The following SH3BGRL2 variants were observed in gnomAD, a reference collection of about 807,000 sequenced individuals.
SH3BGRL2 encodes SH3 domain-binding glutamic acid-rich-like protein 2.
A neutral mutation model predicts 14.8 loss-of-function variants in SH3BGRL2; 21 were observed. The observed-to-expected ratio is 1.42, with a 90% CI of 1.01 to 2.05. The LOEUF (loss-of-function observed/expected upper bound fraction) is 2.05, where lower values mean the gene tolerates loss of function less well. Ranked by LOEUF, SH3BGRL2 falls within the 30% of genes most tolerant of loss-of-function variation. The pLI is 0.00. For missense variants in SH3BGRL2, 147 were observed against 130.8 expected, an observed-to-expected ratio of 1.12 and a Z score of -0.61; for synonymous variants, 50 against 47.8, an observed-to-expected ratio of 1.05 and a Z score of -0.19.
At chr6:79,689,777 A>T (rs1770172657) in intron 2 of SH3BGRL2, among the ~76,000 whole-genome samples, 1 of 152,170 alleles carries the variant, frequency 6.6e-6, no homozygotes, top group Non-Finnish European at 1.5e-5. Flanking sequence ...TAAACACTGA[A>T]ACCTGAAATA....
intron 2 of SH3BGRL2, among the ~76,000 whole-genome samples, chr6:79,676,850 A>G (rs937272740): frequency 1.3e-5 from 2 of 152,074 alleles, no homozygotes; most frequent in Non-Finnish European, 2.9e-5. Context: ...CTAGCTGTCT[A>G]TGTATCTTTG....
chr6:79,639,671 A>G (rs1366261990), intron 1 of SH3BGRL2, among the ~76,000 whole-genome samples: 1 of 152,150 alleles, frequency 6.6e-6, no homozygotes, highest in Non-Finnish European at 1.5e-5. Flanking sequence ...GGGGTCTAGA[A>G]ATTATTATTT....
chr6:79,677,723 C>T (rs373948938), intron 2 of SH3BGRL2, among the ~76,000 whole-genome samples: 19 of 152,272 alleles, frequency 1.2e-4, no homozygotes, highest in African/African-American at 3.9e-4. Flanking sequence ...AATTCCTCTC[C>T]CTCAAAGTTG....
the SH3BGRL2 span, among the ~76,000 whole-genome samples, chr6:79,600,363 A>G: frequency 3.9e-5 from 6 of 152,198 alleles, no homozygotes; most frequent in Admixed American, 2.0e-4. Context: ...CTGAAAAGCA[A>G]TGCACCCTAT....
Position 79,699,662 on chromosome 6 carries a change from A to G in SH3BGRL2, c.*153A>G, listed in dbSNP as rs1770413433. 4.7e-6 allele frequency: 5 copies of G among 1,069,814 alleles called. No individual in the cohort carries two copies. In the South Asian group the frequency reaches 8.2e-5, roughly 18 times the overall value. 66.3% of individuals were successfully genotyped at this position (1,069,814 alleles called of 1,614,324 possible). On this transcript the variant is annotated 3_prime_UTR_variant, in exon 4 of 4. Transcript: ENST00000369838. ...AAAGGTGTTTTTGAAAGATGTGGCT[A>G]TAATGAGAATTGCATGATTGCTTTA...
At chr6:79,541,443 T>C in the SH3BGRL2 span, among the ~76,000 whole-genome samples, 1 of 152,210 alleles carries the variant, frequency 6.6e-6, no homozygotes, top group Admixed American at 6.5e-5. Flanking sequence ...GTTATTAAAA[T>C]TTTTTCTTCT....
chr6:79,633,169 G>A (rs1166072438), intron 1 of SH3BGRL2, among the ~76,000 whole-genome samples: 2 of 152,132 alleles, frequency 1.3e-5, no homozygotes, highest in African/African-American at 4.8e-5. Context: ...AATGTTTTGT[G>A]TTTTGCACAT....
chr6:79,589,206 A>ATAT, the SH3BGRL2 span, among the ~76,000 whole-genome samples: 12,421 of 141,268 alleles, frequency 0.088, 682 homozygotes, highest in Non-Finnish European at 0.12. Context: ...ATATATATAT[A>ATAT]TTTTTTTTTT....
At chr6:79,634,625 T>G (rs1768888580) in intron 1 of SH3BGRL2, among the ~76,000 whole-genome samples, 1 of 152,092 alleles carries the variant, frequency 6.6e-6, no homozygotes, top group Non-Finnish European at 1.5e-5. Context: ...TTTCTAAGAG[T>G]CTGCTGCTTG....
chr6:79,575,960 T>A, the SH3BGRL2 span, among the ~76,000 whole-genome samples: 1 of 121,444 alleles, frequency 8.2e-6, no homozygotes, highest in East Asian at 2.0e-4. Flanking sequence ...GTTTATAAGT[T>A]TTTTTTTCCA....
At chr6:79,598,294 A>G in the SH3BGRL2 span, among the ~76,000 whole-genome samples, 1 of 152,234 alleles carries the variant, frequency 6.6e-6, no homozygotes, top group African/African-American at 2.4e-5. Context: ...ATGTACATGA[A>G]CGTTCATGGC....
the SH3BGRL2 span, among the ~76,000 whole-genome samples, chr6:79,597,179 A>G: frequency 9.9e-5 from 15 of 151,924 alleles, no homozygotes; most frequent in African/African-American, 3.6e-4. Flanking sequence ...GCAATGAGCC[A>G]AGATCGCACC....
intron 2 of SH3BGRL2, among the ~76,000 whole-genome samples, chr6:79,686,226 A>C (rs2127737002): frequency 6.6e-6 from 1 of 152,286 alleles, no homozygotes; most frequent in Admixed American, 6.5e-5. Context: ...CCTTTAAAAA[A>C]CATTCTGCTC....
chr6:79,586,428 AAT>A, the SH3BGRL2 span, among the ~76,000 whole-genome samples: 1 of 152,042 alleles, frequency 6.6e-6, no homozygotes, highest in South Asian at 2.1e-4. Flanking sequence ...TTTACATATG[AAT>A]ATGTTTACTA....
chr6:79,538,414 A>C, the SH3BGRL2 span, among the ~76,000 whole-genome samples: 1 of 152,128 alleles, frequency 6.6e-6, no homozygotes, highest in Non-Finnish European at 1.5e-5. Context: ...CTGTCAATAC[A>C]TTTTACTTCA....
In SH3BGRL2 at chr6:79,702,410, G is replaced by A. The variant is rs2127741630; in HGVS notation, c.*2901G>A. The A allele has an allele frequency of 6.6e-6, 1 of 152,578 alleles. No homozygotes were observed. The highest frequency in any genetic ancestry group is 1.9e-4 in the East Asian group (1 of 5,172). 9.5% of individuals were successfully genotyped at this position (152,578 alleles called of 1,614,324 possible). A position where few individuals can be genotyped will look rare whatever the true frequency, so the allele number is the denominator to read the frequency against. ...CTGCACTTTGCTCCATATAATTATT[G>A]TTTTCAGATTTCAACTTGTATGTGT... is the stretch of plus-strand genomic sequence containing the variant. On this transcript the variant is annotated 3_prime_UTR_variant, in exon 4 of 4. Transcript: ENST00000369838.
At chr6:79,590,350 A>C in the SH3BGRL2 span, among the ~76,000 whole-genome samples, 1 of 149,170 alleles carries the variant, frequency 6.7e-6, no homozygotes, top group Admixed American at 6.7e-5. Context: ...TGTTCATTGC[A>C]GCACTATTCA....
chr6:79,605,177 G>A, the SH3BGRL2 span, among the ~76,000 whole-genome samples: 9 of 152,172 alleles, frequency 5.9e-5, no homozygotes, highest in African/African-American at 2.2e-4. Flanking sequence ...CCTTGAGACT[G>A]CCATACTGTA....
chr6:79,560,867 C>CTTTTTTTTTTTTTT, the SH3BGRL2 span, among the ~76,000 whole-genome samples: 1 of 45,744 alleles, frequency 2.2e-5, no homozygotes, highest in Non-Finnish European at 3.8e-5. Flanking sequence ...ACAATACACT[C>CTTTTTTTTTTTTTT]TTTTTTTTTT....
Sources: allele counts gnomAD v4.1 joint callset (sites outside exome capture counted in the v4.1 genomes callset), GRCh38; gene constraint gnomAD v4.1.1; transcripts MANE v1.5; gene names NCBI Gene and HGNC (gene_info 2026-07-23, HGNC 2026-07-21).